The following KIF13A variants were observed in gnomAD, a reference collection of about 807,000 sequenced individuals.
The protein encoded by KIF13A is kinesin-like protein KIF13A.
Under a neutral mutation model 212.2 loss-of-function variants are expected in KIF13A, and 79 were observed. The ratio of observed to expected loss-of-function variants is 0.37; its 90% CI spans 0.31 to 0.45. The LOEUF is 0.45. Ranked by LOEUF, KIF13A falls within the 20% of genes least tolerant of loss-of-function variation. KIF13A has a pLI of 1.00. For missense variants in KIF13A, 1,901 were observed against 2,209.0 expected (o/e 0.86, Z 2.79); for synonymous variants, 789 against 808.6 (o/e 0.98, Z 0.41).
intron 2 of KIF13A, among the ~76,000 whole-genome samples, chr6:17,979,235 G>C (rs1780847300): frequency 6.6e-6 from 1 of 152,206 alleles, no homozygotes; most frequent in Admixed American, 6.5e-5. Flanking sequence ...AGAGGTTGCA[G>C]TGAGTCCAGA....
In KIF13A at chr6:17,961,430, G is replaced by A. The variant is rs9477559; in HGVS notation, c.146+25624C>T. The stretch of plus-strand genomic sequence containing the variant: ...CCAAAATTGGCCCAACAAGCACCAA[G>A]CATATTGTAAGCCCTTTATATTCTC... On this transcript the variant is annotated intron_variant, in intron 2 of 38. Transcript: ENST00000259711. The surrounding 1 kb of genome is among the most constrained non-coding windows in gnomAD (Gnocchi z 4.1). 0.035 allele frequency among the ~76,000 whole-genome samples: 5,389 copies of A among 152,290 alleles called. 321 individuals are homozygous for A. Among genetic ancestry groups the A allele is most frequent in the African/African-American group, 0.12 (5,088 of 41,538 alleles).
At position 17,898,253 on chromosome 6, in the gene KIF13A, G is replaced by T. The variant is rs980394282; in HGVS notation, c.147-73C>A. On this transcript the variant is annotated intron_variant, in intron 2 of 38. Transcript: ENST00000259711. This position sits in a 1 kb window ranked among gnomAD's most constrained non-coding sequence, Gnocchi z 5.2. ...GTCAACACAGCAGCCACATCAGAGG[G>T]AAACAATGAAAGAGAAAAAAATAAG... 7.1e-7 allele frequency: 1 copy of T among 1,407,176 alleles called. No homozygotes were observed. Among genetic ancestry groups the T allele is most frequent in the African/African-American group, 1.4e-5 (1 of 70,222 alleles). The allele number at this position is 1,407,176 out of a possible 1,614,324, so 87.2% of individuals were successfully genotyped here.
intron 2 of KIF13A, among the ~76,000 whole-genome samples, chr6:17,923,544 T>C (rs1775259068): frequency 6.6e-6 from 1 of 151,668 alleles, no homozygotes; most frequent in Non-Finnish European, 1.5e-5. Context: ...GGTTTTTTTT[T>C]TTTGGTGGTT....
rs908446725 is a variant in KIF13A at position 17,947,390 on chromosome 6, A to G, written c.146+39664T>C. On this transcript the variant is annotated intron_variant, in intron 2 of 38. Transcript: ENST00000259711. This position sits in a 1 kb window ranked among gnomAD's most constrained non-coding sequence, Gnocchi z 4.6. ...ATACTTCTATTTTTAAAAGATCAAC[A>G]TAAGGAGAATAAACTTATTTTAGCA... 6.6e-6 allele frequency among the ~76,000 whole-genome samples: 1 copy of G among 152,246 alleles called. No homozygotes were observed. Among genetic ancestry groups the G allele is most frequent in the Non-Finnish European group, 1.5e-5 (1 of 68,046 alleles).
chr6:17,809,068 C>T lies in KIF13A; in HGVS notation c.2001-138G>A, dbSNP rs1763216049. Reference sequence around the variant, plus strand: ...CAAACTATTTTACCAGACTACCTCTCATCCTTCCCTCCTGCCCACAGATGG... The same window carrying T: ...CAAACTATTTTACCAGACTACCTCTTATCCTTCCCTCCTGCCCACAGATGG... On this transcript the variant is annotated intron_variant, in intron 17 of 38. Coordinates refer to ENST00000259711, the MANE Select transcript of KIF13A (RefSeq NM_022113.6). This position sits in a 1 kb window ranked among gnomAD's most constrained non-coding sequence, Gnocchi z 4.7. 1 of 780,760 alleles carries T rather than the reference C, an allele frequency of 1.3e-6. No individual in the cohort carries two copies. Among genetic ancestry groups the T allele is most frequent in the East Asian group, 2.8e-5 (1 of 35,318 alleles). 48.4% of individuals were successfully genotyped at this position (780,760 alleles called of 1,614,324 possible).
chr6:17,879,623 A>G (rs1360876010), intron 3 of KIF13A, among the ~76,000 whole-genome samples: 1 of 152,248 alleles, frequency 6.6e-6, no homozygotes, highest in African/African-American at 2.4e-5. Context: ...TAGTCTGCAC[A>G]GAAATTAGAA....
intron 3 of KIF13A, among the ~76,000 whole-genome samples, chr6:17,880,925 T>C (rs566171365): frequency 6.6e-6 from 1 of 152,248 alleles, no homozygotes; most frequent in South Asian, 2.1e-4. Context: ...TCTTAATGCA[T>C]ACAGCTGAGT....
intron 3 of KIF13A, among the ~76,000 whole-genome samples, chr6:17,880,565 T>C (rs1581620417): frequency 6.9e-6 from 1 of 143,942 alleles, no homozygotes; most frequent in Non-Finnish European, 1.5e-5. Context: ...GAGGCGGAGG[T>C]TGCAGTGAGC....
At chr6:17,797,190 C>A (rs753214347) in intron 22 of KIF13A, among the ~76,000 whole-genome samples, 1 of 152,012 alleles carries the variant, frequency 6.6e-6, no homozygotes, top group South Asian at 2.1e-4. Flanking sequence ...CCACCACGCC[C>A]GGCTATTTTT....
rs1020908926 is a variant in KIF13A at position 17,839,556 on chromosome 6, A to T, written c.831-1973T>A. Among the ~76,000 whole-genome samples, 2 of 152,218 alleles carry T rather than the reference A, an allele frequency of 1.3e-5. No individual in the cohort carries two copies. Among genetic ancestry groups the T allele is most frequent in the Non-Finnish European group, 2.9e-5 (2 of 68,040 alleles). ...TTACGTGAAAGAAGCCAAACACAAA[A>T]GGCCATTGTCCTGGGTTGAACAGTA... On this transcript the variant is annotated intron_variant, in intron 9 of 38. Coordinates refer to ENST00000259711, the MANE Select transcript of KIF13A (RefSeq NM_022113.6). The surrounding 1 kb of genome is among the most constrained non-coding windows in gnomAD (Gnocchi z 4.3).
rs1437321164 is a variant in KIF13A, at chr6:17,968,917, A to G, written c.146+18137T>C. 1.3e-5 allele frequency among the ~76,000 whole-genome samples: 2 copies of G among 152,094 alleles called. No homozygotes were observed. Among genetic ancestry groups the G allele is most frequent in the Non-Finnish European group, 2.9e-5 (2 of 68,020 alleles). ...CAACCTGAGGACTTTCTACCCACAGACTCATCTACCTAGGCACAGCTCTTA... is the reference window on the plus strand; with the variant it reads ...CAACCTGAGGACTTTCTACCCACAGGCTCATCTACCTAGGCACAGCTCTTA... On this transcript the variant is annotated intron_variant, in intron 2 of 38. Transcript: ENST00000259711. The surrounding 1 kb of genome is among the most constrained non-coding windows in gnomAD (Gnocchi z 4.7).
At chr6:17,907,872 G>A (rs1424782978) in intron 2 of KIF13A, among the ~76,000 whole-genome samples, 1 of 152,176 alleles carries the variant, frequency 6.6e-6, no homozygotes, top group Non-Finnish European at 1.5e-5. Context: ...AGAAGAAATT[G>A]CCACAGATGG....
chr6:17,874,146 G>A (rs986998375), intron 3 of KIF13A, among the ~76,000 whole-genome samples: 12 of 152,090 alleles, frequency 7.9e-5, no homozygotes. Flanking sequence ...ATATAAAGCA[G>A]TTCCTTCTCC....
At chr6:17,770,808 C>A (rs543090207) in intron 38 of KIF13A, 1 of 979,102 alleles carries the variant, frequency 1.0e-6, no homozygotes, top group African/African-American at 1.7e-5. Flanking sequence ...TGTATAGGCA[C>A]ATTAGAAAGA....
At chr6:17,831,377 A>G in intron 12 of KIF13A, 142 bp from the exon 13 acceptor site, 2 of 906,072 alleles carry the variant, frequency 2.2e-6, no homozygotes, top group East Asian at 2.6e-5. Flanking sequence ...ACATTAACAG[A>G]GAGTCTACAG....
intron 17 of KIF13A, among the ~76,000 whole-genome samples, chr6:17,815,932 A>C (rs984238689): frequency 6.7e-6 from 1 of 148,698 alleles, no homozygotes; most frequent in Non-Finnish European, 1.5e-5. Flanking sequence ...TTTGAGACAA[A>C]GTCTCCCTCT....
intron 2 of KIF13A, among the ~76,000 whole-genome samples, chr6:17,973,702 C>T (rs567470904): frequency 6.6e-6 from 1 of 152,322 alleles, no homozygotes; most frequent in Admixed American, 6.5e-5. Context: ...GGATCAACAG[C>T]TATCTCAAAG....
intron 2 of KIF13A, among the ~76,000 whole-genome samples, chr6:17,978,843 C>T (rs556753485): frequency 2.8e-4 from 42 of 152,230 alleles, no homozygotes; most frequent in African/African-American, 7.9e-4. Flanking sequence ...ATTTCACCAC[C>T]GGAAGCTGAG....
At chr6:17,876,532 C>T (rs559396432) in intron 3 of KIF13A, among the ~76,000 whole-genome samples, 1 of 152,192 alleles carries the variant, frequency 6.6e-6, no homozygotes, top group Non-Finnish European at 1.5e-5. Context: ...TTCTCTGAAA[C>T]CTTACAACAC....
Sources: gnomAD v4.1 joint callset for allele counts (sites outside exome capture counted in the v4.1 genomes callset) on GRCh38, gnomAD v4.1.1 for gene constraint, Gnocchi (gnomAD v3.1) non-coding constraint, MANE v1.5 for transcripts, NCBI Gene and HGNC (gene_info 2026-07-23, HGNC 2026-07-21) for gene names.